Variants in PRIMPOL observed in about 807,000 individuals in gnomAD.
PRIMPOL encodes the protein DNA-directed primase/polymerase protein.
PRIMPOL carries 54 observed loss-of-function variants against 63.6 expected under a neutral mutation model. That is an observed-to-expected ratio of 0.85 (90% CI 0.68 to 1.07). The LOEUF is 1.07. Among genes scored for constraint, PRIMPOL ranks in the 50% least tolerant of loss-of-function variants. PRIMPOL has a pLI of 0.00. For missense variants in PRIMPOL, 610 were observed against 648.3 expected, an observed-to-expected ratio of 0.94 and a Z score of 0.64; for synonymous variants, 197 against 220.2, an observed-to-expected ratio of 0.89 and a Z score of 0.93.
intron 6 of PRIMPOL, among the ~76,000 whole-genome samples, chr4:184,667,667 T>C (rs1750459084): frequency 6.6e-6 from 1 of 152,196 alleles, no homozygotes; most frequent in Non-Finnish European, 1.5e-5. Flanking sequence ...GACAGGCACA[T>C]TCAGGGCAGT....
chr4:184,669,631 C>T (rs1284199618), intron 6 of PRIMPOL, among the ~76,000 whole-genome samples: 3 of 152,196 alleles, frequency 2.0e-5, no homozygotes, highest in Admixed American at 1.3e-4. Flanking sequence ...CTTCTGAAAG[C>T]AGATGGCATT....
At chr4:184,670,545 A>ATTTTTTTT (rs57234973) in intron 6 of PRIMPOL, among the ~76,000 whole-genome samples, 3 of 136,686 alleles carry the variant, frequency 2.2e-5, no homozygotes, top group African/African-American at 8.2e-5. Context: ...TAGGAAAGTA[A>ATTTTTTTT]TTTTTTTTTT....
chr4:184,686,135 C>T (rs1399550134), intron 11 of PRIMPOL, among the ~76,000 whole-genome samples: 1 of 152,178 alleles, frequency 6.6e-6, no homozygotes, highest in Non-Finnish European at 1.5e-5. Flanking sequence ...ATATGGTTAG[C>T]ATTACATAAT....
chr4:184,682,193 C>A (rs1229685889), intron 8 of PRIMPOL, 55 bp from the exon 9 acceptor site: 2 of 865,126 alleles, frequency 2.3e-6, no homozygotes, highest in East Asian at 2.5e-5. Flanking sequence ...TGTAGCCAGG[C>A]CTTGTTAGTT....
At chr4:184,667,538 C>CT (rs2150074125) in intron 6 of PRIMPOL, among the ~76,000 whole-genome samples, 1 of 152,262 alleles carries the variant, frequency 6.6e-6, no homozygotes, top group South Asian at 2.1e-4. Flanking sequence ...TCTTGATCCC[C>CT]TGACCTTGTG....
At chr4:184,662,939 C>T (rs961770468) in intron 5 of PRIMPOL, among the ~76,000 whole-genome samples, 1 of 150,406 alleles carries the variant, frequency 6.6e-6, no homozygotes, top group African/African-American at 2.4e-5. Context: ...TATTTTTCTT[C>T]AAATAGCCAT....
intron 13 of PRIMPOL, chr4:184,694,285 G>T (rs566942948): frequency 2.3e-6 from 3 of 1,302,198 alleles, no homozygotes; most frequent in South Asian, 4.4e-5. Context: ...TATGTGCACA[G>T]AACTGTAGGT....
rs1484976645 is a variant in PRIMPOL at position 184,659,374 on chromosome 4, G to T, written c.215G>T (p.Gly72Val). The T allele has an allele frequency of 6.2e-7, 1 of 1,613,818 alleles. No homozygotes were observed. The highest frequency in any genetic ancestry group is 8.5e-7 in the Non-Finnish European group (1 of 1,179,872). The part of the protein sequence containing the change: ...VHVFALECKV[G>V]DGQRIYLVTT... Reference sequence around the variant, plus strand: ...GTATTTGCTTTGGAATGCAAAGTAGGAGATGGACAACGTATTTACCTTGTG... The same window carrying T: ...GTATTTGCTTTGGAATGCAAAGTAGTAGATGGACAACGTATTTACCTTGTG... The change falls in exon 4 of 14, where the codon GGA (glycine) becomes GTA (valine). Residue 72 changes from glycine (G) to valine (V), a missense_variant. Physicochemically the swap from Gly to Val is moderately radical, Grantham distance 109. Around this residue, in one of 3 missense-constraint regions of PRIMPOL, gnomAD observed 159 missense variants for 168.9 expected, o/e 0.94. Transcript: ENST00000314970.
At chr4:184,691,751 G>C in intron 13 of PRIMPOL, 39 bp downstream of exon 13, 2 of 1,497,524 alleles carry the variant, frequency 1.3e-6, no homozygotes, top group Non-Finnish European at 1.9e-6. Flanking sequence ...TTACCAGGGA[G>C]TTCTTGGTAC....
intron 11 of PRIMPOL, among the ~76,000 whole-genome samples, chr4:184,687,246 A>G (rs1180888108): frequency 6.6e-6 from 1 of 151,864 alleles, no homozygotes; most frequent in African/African-American, 2.4e-5. Context: ...AATTTTTGTA[A>G]TTTTAGTAGA....
At chr4:184,658,029 A>AATAC (rs1311397709) in intron 3 of PRIMPOL, among the ~76,000 whole-genome samples, 2 of 145,940 alleles carry the variant, frequency 1.4e-5, no homozygotes, top group Non-Finnish European at 3.0e-5. Flanking sequence ...TAAATAAATA[A>AATAC]ATAAATATCA....
chr4:184,667,521 A>G (rs1054151417), intron 6 of PRIMPOL, among the ~76,000 whole-genome samples: 12 of 152,308 alleles, frequency 7.9e-5, no homozygotes, highest in South Asian at 2.1e-4. Flanking sequence ...CAGGTTAGCC[A>G]GGATGGTCTT....
At chr4:184,656,945 C>T in intron 2 of PRIMPOL, 137 bp from the exon 3 acceptor site, 1 of 446,858 alleles carries the variant, frequency 2.2e-6, no homozygotes, top group East Asian at 3.7e-5. Context: ...ACCAGCCTTG[C>T]TCTCATTCTG....
intron 1 of PRIMPOL, among the ~76,000 whole-genome samples, chr4:184,650,688 G>T (rs543382812): frequency 7.9e-5 from 12 of 152,242 alleles, no homozygotes; most frequent in African/African-American, 2.9e-4. Context: ...AATCATTTTC[G>T]CAGAAGAATT....
Position 184,654,728 on chromosome 4 carries a change from A to C in PRIMPOL, c.-59-2354A>C, listed in dbSNP as rs1005594103. On this transcript the variant is annotated intron_variant, in intron 2 of 13. Transcript: ENST00000314970. ...TGGCCTCCGAAAGTGCTGGGATTAC[A>C]AGCGTGAGCCACCGCGCCCGGCTGA... Among the ~76,000 whole-genome samples, 7 of 152,300 alleles carry C rather than the reference A, an allele frequency of 4.6e-5. No individual in the cohort carries two copies. The East Asian group carries it at 1.4e-3, about 29-fold the overall frequency.
chr4:184,674,154 C>T (rs764878672), intron 7 of PRIMPOL, among the ~76,000 whole-genome samples: 20 of 152,202 alleles, frequency 1.3e-4, no homozygotes, highest in South Asian at 4.2e-4. Context: ...GTCAGGCTAC[C>T]GGACTAGCAA....
At chr4:184,685,740 A>G (rs1458237708) in intron 11 of PRIMPOL, 56 bp downstream of exon 11, 1 of 743,494 alleles carries the variant, frequency 1.3e-6, no homozygotes, top group Non-Finnish European at 2.1e-6. Context: ...TTAAATATTT[A>G]TAACTTTTAA....
Position 184,685,608 on chromosome 4 carries a change from G to A in PRIMPOL, c.1219G>A (p.Glu407Lys), listed in dbSNP as rs535169281. 4 of 1,612,686 alleles carry A rather than the reference G, an allele frequency of 2.5e-6. No homozygotes were observed. The highest frequency in any genetic ancestry group is 2.7e-5 in the African/African-American group (2 of 74,958). The change falls in exon 11 of 14, where the codon GAA becomes AAA. Residue 407 changes from glutamate (E) to lysine (K), a missense_variant. Transcript: ENST00000314970. ...GCGTTGGAACTACTTTTTCCCAGAA[G>A]AATTACTGGTTTATGATATTTGTAA... ...IRRWNYFFPE[E>K]LLVYDICKYR...
At chr4:184,681,639 A>G (rs894195993) in intron 8 of PRIMPOL, among the ~76,000 whole-genome samples, 3 of 151,796 alleles carry the variant, frequency 2.0e-5, no homozygotes, top group African/African-American at 7.2e-5. Context: ...CAGTGGTGCA[A>G]TCTCAGCTCA....
Sources: gnomAD v4.1 joint callset for allele counts (sites outside exome capture counted in the v4.1 genomes callset) on GRCh38, gnomAD v4.1.1 for gene constraint, gnomAD v4.1.1 regional missense constraint, MANE v1.5 for transcripts, NCBI Gene and HGNC (gene_info 2026-07-23, HGNC 2026-07-21) for gene names.